The following DCC variants were observed in gnomAD, a reference collection of about 807,000 sequenced individuals.
DCC encodes the protein netrin receptor DCC.
In DCC, 58 loss-of-function variants were observed where a neutral mutation model predicts 172.5. The observed-to-expected ratio is 0.34, with a 90% CI of 0.27 to 0.42. The LOEUF (loss-of-function observed/expected upper bound fraction) is 0.42. Ranked by LOEUF, DCC falls within the 10% of genes least tolerant of loss-of-function variation. The probability of loss-of-function intolerance (pLI) is 1.00; values close to 1 mark genes in which losing one functional copy is unlikely to be tolerated. For synonymous variants in DCC, 709 were observed against 644.5 expected, an observed-to-expected ratio of 1.10 and a Z score of -1.52; for missense variants, 1,740 against 1,791.0, an observed-to-expected ratio of 0.97 and a Z score of 0.51.
intron 1 of DCC, among the ~76,000 whole-genome samples, chr18:52,388,634 C>A (rs1985911870): frequency 6.6e-6 from 1 of 151,508 alleles, no homozygotes; most frequent in Admixed American, 6.6e-5. Context: ...TTTGGGCCAT[C>A]AACTTTCTGT....
chr18:52,943,376 C>T (rs567988929), intron 5 of DCC, among the ~76,000 whole-genome samples: 16 of 152,056 alleles, frequency 1.1e-4, no homozygotes, highest in Non-Finnish European at 2.2e-4. Context: ...AATTACTGTG[C>T]ATATTTAATC....
At chr18:52,670,425 A>G (rs2035530545) in intron 1 of DCC, among the ~76,000 whole-genome samples, 1 of 152,226 alleles carries the variant, frequency 6.6e-6, no homozygotes, top group East Asian at 1.9e-4. Flanking sequence ...ATTGTGTTCA[A>G]ATTCTTTAAC....
chr18:52,892,987 A>G (rs2039673482), intron 2 of DCC, among the ~76,000 whole-genome samples: 1 of 152,040 alleles, frequency 6.6e-6, no homozygotes, highest in Non-Finnish European at 1.5e-5. Flanking sequence ...TTTTATGGGG[A>G]GGAAAAATAT....
intron 1 of DCC, among the ~76,000 whole-genome samples, chr18:52,544,913 A>G (rs1377909663): frequency 1.3e-5 from 2 of 152,200 alleles, no homozygotes; most frequent in African/African-American, 2.4e-5. Context: ...TGAAGGTTAG[A>G]TTATTGAGAG....
rs2046552065 is a variant in DCC at position 53,534,363 on chromosome 18, C to T, written c.*3710C>T. The T allele has an allele frequency of 6.6e-6, 1 of 152,226 alleles. No homozygotes were observed. Among genetic ancestry groups the T allele is most frequent in the Non-Finnish European group, 1.5e-5 (1 of 68,050 alleles). The allele number at this position is 152,226 out of a possible 1,614,324, so 9.4% of individuals were successfully genotyped here. On this transcript the variant is annotated 3_prime_UTR_variant, in exon 29 of 29. Transcript: ENST00000442544. ...CAGAGCAGGGTTACTTTCCCTTTCA[C>T]TCAGTTCCCTTCATGCAACCACAGG...
At chr18:53,134,503 G>C (rs1347542329) in intron 7 of DCC, among the ~76,000 whole-genome samples, 1 of 152,108 alleles carries the variant, frequency 6.6e-6, no homozygotes, top group African/African-American at 2.4e-5. Context: ...TCTTAAATAT[G>C]AAGGAGATTT....
intron 2 of DCC, among the ~76,000 whole-genome samples, chr18:52,830,406 T>C (rs894690777): frequency 3.3e-5 from 5 of 152,168 alleles, no homozygotes; most frequent in African/African-American, 1.2e-4. Flanking sequence ...GAAAGTCTTG[T>C]CAACTATTTT....
intron 2 of DCC, among the ~76,000 whole-genome samples, chr18:52,772,934 G>A (rs2037367486): frequency 4.6e-5 from 7 of 152,114 alleles, no homozygotes. Context: ...TCATTGCCAA[G>A]AAAATAAACT....
intron 2 of DCC, among the ~76,000 whole-genome samples, chr18:52,880,930 C>A (rs1428538961): frequency 6.6e-6 from 1 of 152,040 alleles, no homozygotes; most frequent in African/African-American, 2.4e-5. Flanking sequence ...TTTTGAGGAA[C>A]CCACAAACTG....
At chr18:52,966,715 C>T (rs182058914) in intron 5 of DCC, among the ~76,000 whole-genome samples, 5 of 152,256 alleles carry the variant, frequency 3.3e-5, no homozygotes, top group African/African-American at 7.2e-5. Flanking sequence ...TGTGATCTCA[C>T]GATGGGAATC....
intron 2 of DCC, among the ~76,000 whole-genome samples, chr18:52,866,862 A>G (rs1461812233): frequency 1.3e-5 from 2 of 152,068 alleles, no homozygotes; most frequent in Non-Finnish European, 2.9e-5. Flanking sequence ...CTATTTGAAT[A>G]CCCTTTATTT....
At chr18:52,834,963 C>A (rs1391310653) in intron 2 of DCC, among the ~76,000 whole-genome samples, 1 of 152,088 alleles carries the variant, frequency 6.6e-6, no homozygotes, top group Non-Finnish European at 1.5e-5. Flanking sequence ...TTTCATGTTA[C>A]TGCTCGATAT....
intron 5 of DCC, among the ~76,000 whole-genome samples, chr18:53,028,386 G>A (rs2041985588): frequency 6.6e-6 from 1 of 152,002 alleles, no homozygotes; most frequent in African/African-American, 2.4e-5. Flanking sequence ...TGTCCCCCCA[G>A]CTAAACAGAC....
At chr18:53,103,195 A>C (rs188164292) in intron 7 of DCC, among the ~76,000 whole-genome samples, 8 of 152,154 alleles carry the variant, frequency 5.3e-5, no homozygotes, top group African/African-American at 1.9e-4. Flanking sequence ...ACATAATTAC[A>C]TGATCATAAC....
At chr18:52,674,234 C>G (rs1429337930) in intron 1 of DCC, among the ~76,000 whole-genome samples, 1 of 152,122 alleles carries the variant, frequency 6.6e-6, no homozygotes, top group Non-Finnish European at 1.5e-5. Flanking sequence ...TTTCCATTTG[C>G]AAGCTGGAGA....
intron 14 of DCC, among the ~76,000 whole-genome samples, chr18:53,339,476 A>G (rs994382673): frequency 1.3e-5 from 2 of 152,224 alleles, no homozygotes; most frequent in African/African-American, 4.8e-5. Flanking sequence ...AGATGCATTG[A>G]TGCTACCTAC....
intron 6 of DCC, among the ~76,000 whole-genome samples, chr18:53,065,346 C>T (rs1462612848): frequency 6.6e-6 from 1 of 152,112 alleles, no homozygotes; most frequent in Admixed American, 6.6e-5. Flanking sequence ...TAATTAAATG[C>T]TATCTCTAGA....
intron 27 of DCC, among the ~76,000 whole-genome samples, chr18:53,504,051 G>T (rs1439799509): frequency 3.3e-5 from 5 of 152,188 alleles, no homozygotes; most frequent in Non-Finnish European, 7.4e-5. Flanking sequence ...AAGACAAGGA[G>T]GGGGTGGAGG....
chr18:52,446,926 T>C (rs935305264), intron 1 of DCC, among the ~76,000 whole-genome samples: 1 of 152,242 alleles, frequency 6.6e-6, no homozygotes, highest in African/African-American at 2.4e-5. Context: ...ATTCAATTGA[T>C]TGATTTTTAT....
Sources: gnomAD v4.1 joint callset for allele counts (sites outside exome capture counted in the v4.1 genomes callset) on GRCh38, gnomAD v4.1.1 for gene constraint, MANE v1.5 for transcripts, NCBI Gene and HGNC (gene_info 2026-07-23, HGNC 2026-07-21) for gene names.